UNC5D: variants seen among roughly 807,000 people sequenced by gnomAD.
The protein encoded by UNC5D is unc-5 netrin receptor D, also known as netrin receptor UNC5D.
UNC5D carries 39 observed loss-of-function variants against 105.4 expected under a neutral mutation model. The ratio of observed to expected loss-of-function variants is 0.37; its 90% CI spans 0.29 to 0.48. UNC5D has a LOEUF of 0.48. UNC5D is among the 20% of genes least tolerant of loss of function. UNC5D has a pLI of 0.98. For missense variants in UNC5D, 991 were observed against 1,202.4 expected, an observed-to-expected ratio of 0.82 and a Z score of 2.60; for synonymous variants, 452 against 450.4, an observed-to-expected ratio of 1.00 and a Z score of -0.04.
At chr8:35,269,455 A>T (rs531547878) in intron 1 of UNC5D, among the ~76,000 whole-genome samples, 1 of 152,146 alleles carries the variant, frequency 6.6e-6, no homozygotes, top group African/African-American at 2.4e-5. Flanking sequence ...CTTGACTTAC[A>T]TCTGCAGAAT....
chr8:35,388,284 A>G (rs1360883576), intron 1 of UNC5D, among the ~76,000 whole-genome samples: 1 of 152,074 alleles, frequency 6.6e-6, no homozygotes. Flanking sequence ...GAATCGCTTG[A>G]ACCTGGGAGG....
chr8:35,305,920 T>TTC (rs1221077795), intron 1 of UNC5D, among the ~76,000 whole-genome samples: 76 of 145,068 alleles, frequency 5.2e-4, no homozygotes, highest in Middle Eastern at 3.4e-3. Flanking sequence ...TTTCATTCTT[T>TTC]TCTCTCTCTC....
intron 8 of UNC5D, among the ~76,000 whole-genome samples, chr8:35,707,782 G>A (rs907062597): frequency 3.9e-5 from 6 of 152,234 alleles, no homozygotes; most frequent in South Asian, 2.1e-4. Context: ...CATAAACCCC[G>A]CAGAAGCCAT....
intron 1 of UNC5D, among the ~76,000 whole-genome samples, chr8:35,489,223 G>T (rs1412038929): frequency 2.6e-5 from 4 of 152,010 alleles, no homozygotes; most frequent in Non-Finnish European, 4.4e-5. Flanking sequence ...AGCCAGGCTG[G>T]TCTTGAACCC....
intron 1 of UNC5D, among the ~76,000 whole-genome samples, chr8:35,471,931 C>T (rs1227272997): frequency 1.3e-5 from 2 of 151,488 alleles, no homozygotes; most frequent in Non-Finnish European, 2.9e-5. Flanking sequence ...ATAAATTAAA[C>T]AAAACAAAAT....
intron 3 of UNC5D, among the ~76,000 whole-genome samples, chr8:35,573,078 C>T (rs1563548696): frequency 1.3e-5 from 2 of 152,234 alleles, no homozygotes; most frequent in African/African-American, 4.8e-5. Flanking sequence ...GCTGGGATTA[C>T]AGGCGTGAGC....
At chr8:35,597,390 A>T (rs1249986949) in intron 4 of UNC5D, among the ~76,000 whole-genome samples, 1 of 152,186 alleles carries the variant, frequency 6.6e-6, no homozygotes, top group East Asian at 1.9e-4. Flanking sequence ...CAGGGTGTTA[A>T]GTGTCAGGCA....
chr8:35,266,229 C>T (rs1331158813), intron 1 of UNC5D, among the ~76,000 whole-genome samples: 2 of 152,134 alleles, frequency 1.3e-5, no homozygotes, highest in African/African-American at 4.8e-5. Flanking sequence ...AGATAATTAT[C>T]CACATACCAC....
chr8:35,646,490 C>A (rs1422289906), intron 4 of UNC5D, among the ~76,000 whole-genome samples: 1 of 152,016 alleles, frequency 6.6e-6, no homozygotes, highest in African/African-American at 2.4e-5. Flanking sequence ...TCAACCCAGT[C>A]CTGAAATACC....
chr8:35,487,593 A>ACACACACC (rs1415748793), intron 1 of UNC5D, among the ~76,000 whole-genome samples: 1 of 150,472 alleles, frequency 6.6e-6, no homozygotes, highest in African/African-American at 2.5e-5. Context: ...ACACACACAC[A>ACACACACC]CCCCACAGAC....
intron 1 of UNC5D, among the ~76,000 whole-genome samples, chr8:35,372,406 G>A (rs966336038): frequency 3.3e-5 from 5 of 152,082 alleles, no homozygotes; most frequent in African/African-American, 1.2e-4. Context: ...TTACAGGCAT[G>A]AGCCACCATG....
rs2131339051 is a variant in UNC5D, at chr8:35,683,548, T to C, written c.572T>C (p.Val191Ala). Residue 191 changes from valine (V) to alanine (A), a missense_variant and splice_region_variant, in exon 5 of 17, where the codon GTG becomes GCG. By Grantham distance (64) the Val-to-Ala change is moderately conservative (BLOSUM62 0). This residue lies in a region of UNC5D where 944 missense variants were observed against 1,131.6 expected (regional missense o/e 0.83). Coordinates refer to ENST00000404895, the MANE Select transcript of UNC5D (RefSeq NM_080872.4). ...RPPEGVPAAE[V>A]EWLKNEEPID... ...GTAAACATTCCTTTCTTCCTGTAGG[T>C]GGAATGGCTGAAAAATGAAGAGCCC... 6.4e-7 allele frequency: 1 copy of C among 1,557,130 alleles called. No homozygotes were observed. Among genetic ancestry groups the C allele is most frequent in the South Asian group, 1.3e-5 (1 of 79,730 alleles).
intron 4 of UNC5D, among the ~76,000 whole-genome samples, chr8:35,676,624 A>C (rs531819185): frequency 2.6e-5 from 4 of 152,216 alleles, no homozygotes; most frequent in Non-Finnish European, 5.9e-5. Context: ...TGAACTCAGC[A>C]TACATGCAAA....
chr8:35,726,320 T>A lies in UNC5D; in HGVS notation c.1472T>A (p.Val491Asp). 2 of 1,614,054 alleles carry A rather than the reference T, an allele frequency of 1.2e-6. No individual in the cohort carries two copies. Among genetic ancestry groups the A allele is most frequent in the Non-Finnish European group, 1.7e-6 (2 of 1,179,988 alleles). Residue 491 changes from valine to aspartate, a missense_variant, in exon 10 of 17, where the codon GTT becomes GAT. By Grantham distance (152) the Val-to-Asp change is radical. This residue lies in a region of UNC5D where 944 missense variants were observed against 1,131.6 expected (regional missense o/e 0.83). Transcript: ENST00000404895. ...IKVKVQSSFM[V>D]SLGVSERAEY... Reference sequence around the variant, plus strand: ...GTGAAAGTCCAGAGCTCGTTCATGGTTTCCCTGGGAGTGTCTGAGAGAGCT... The same window carrying A: ...GTGAAAGTCCAGAGCTCGTTCATGGATTCCCTGGGAGTGTCTGAGAGAGCT...
chr8:35,274,072 T>C (rs1392618048), intron 1 of UNC5D, among the ~76,000 whole-genome samples: 1 of 152,174 alleles, frequency 6.6e-6, no homozygotes, highest in East Asian at 1.9e-4. Context: ...AATTATGGTC[T>C]GAATGGAGCT....
At chr8:35,494,467 T>C (rs1043003858) in intron 1 of UNC5D, among the ~76,000 whole-genome samples, 1 of 152,220 alleles carries the variant, frequency 6.6e-6, no homozygotes, top group Non-Finnish European at 1.5e-5. Context: ...TATTTTTTGT[T>C]ACTCCTCGAA....
chr8:35,719,752 C>T (rs1372140447), intron 8 of UNC5D, among the ~76,000 whole-genome samples: 1 of 152,042 alleles, frequency 6.6e-6, no homozygotes, highest in Non-Finnish European at 1.5e-5. Context: ...TAAAATAATT[C>T]CCATTTTGCT....
intron 1 of UNC5D, among the ~76,000 whole-genome samples, chr8:35,460,727 A>G (rs1808825995): frequency 6.6e-6 from 1 of 152,122 alleles, no homozygotes. Context: ...AATTTTCCTT[A>G]TCTATCTCTA....
chr8:35,493,674 T>A (rs1002881279), intron 1 of UNC5D, among the ~76,000 whole-genome samples: 29 of 152,150 alleles, frequency 1.9e-4, no homozygotes, highest in Non-Finnish European at 1.9e-4. Context: ...AATAATAATA[T>A]TGAATATTGA....
Sources: allele counts gnomAD v4.1 joint callset (sites outside exome capture counted in the v4.1 genomes callset), GRCh38; gene constraint gnomAD v4.1.1; regional missense constraint gnomAD v4.1.1; transcripts MANE v1.5; gene names NCBI Gene and HGNC (gene_info 2026-07-23, HGNC 2026-07-21).